Variants in RGS8 observed in about 807,000 individuals in gnomAD.
The protein encoded by RGS8 is regulator of G protein signaling 8.
RGS8 carries 8 observed loss-of-function variants against 21.7 expected under a neutral mutation model. That is an observed-to-expected ratio of 0.37 (90% CI 0.22 to 0.66). The LOEUF is 0.66. Ranked by LOEUF, RGS8 falls within the 30% of genes least tolerant of loss-of-function variation. RGS8 has a pLI of 0.59. For missense variants in RGS8, 157 were observed against 217.9 expected, an observed-to-expected ratio of 0.72 and a Z score of 1.76; for synonymous variants, 80 against 83.6, an observed-to-expected ratio of 0.96 and a Z score of 0.24.
the RGS8 span, among the ~76,000 whole-genome samples, chr1:182,708,736 G>A: frequency 2.3e-4 from 35 of 152,324 alleles, no homozygotes; most frequent in African/African-American, 6.0e-4. Context: ...AGTTTGGGCC[G>A]CATGGGGGAA....
the RGS8 span, chr1:182,734,295 G>T: frequency 6.6e-6 from 1 of 152,122 alleles, no homozygotes; most frequent in African/African-American, 2.4e-5. Context: ...GATTCTCTAT[G>T]GCCATGCGGG....
At chr1:182,704,241 A>C in the RGS8 span, among the ~76,000 whole-genome samples, 2 of 152,176 alleles carry the variant, frequency 1.3e-5, no homozygotes, top group African/African-American at 2.4e-5. Flanking sequence ...CCACAGAATC[A>C]CTTCCCTGGG....
intron 5 of RGS8, among the ~76,000 whole-genome samples, chr1:182,650,157 G>A (rs1053929218): frequency 4.0e-5 from 6 of 150,158 alleles, no homozygotes; most frequent in African/African-American, 1.3e-4. Flanking sequence ...TGATCCACCC[G>A]CCTCGGCCTC....
At chr1:182,669,896 G>C in intron 2 of RGS8, 144 bp from the exon 4 acceptor site, 5 of 915,730 alleles carry the variant, frequency 5.5e-6, no homozygotes, top group Non-Finnish European at 7.7e-6. Context: ...TCCTTAGCAG[G>C]GGCGACAAAC....
the RGS8 span, among the ~76,000 whole-genome samples, chr1:182,732,936 C>A: frequency 6.6e-6 from 1 of 152,124 alleles, no homozygotes. Context: ...CCAGAAATCA[C>A]AAAGCAAAGC....
the RGS8 span, among the ~76,000 whole-genome samples, chr1:182,733,054 T>C: frequency 6.6e-6 from 1 of 152,206 alleles, no homozygotes; most frequent in Non-Finnish European, 1.5e-5. Flanking sequence ...CAGAAGCAAG[T>C]GCATCTCATG....
At chr1:182,698,919 T>C in the RGS8 span, among the ~76,000 whole-genome samples, 3 of 152,230 alleles carry the variant, frequency 2.0e-5, no homozygotes, top group Non-Finnish European at 4.4e-5. Context: ...CATGTCTCCG[T>C]AATGAATGTG....
chr1:182,667,655 A>G (rs1191605611), intron 3 of RGS8, among the ~76,000 whole-genome samples: 1 of 152,186 alleles, frequency 6.6e-6, no homozygotes, highest in Non-Finnish European at 1.5e-5. Flanking sequence ...GGCTTATCTC[A>G]ATAAGCATAA....
intron 3 of RGS8, 143 bp downstream of exon 4, chr1:182,669,481 C>T: frequency 1.6e-6 from 2 of 1,229,774 alleles, no homozygotes; most frequent in Non-Finnish European, 2.4e-6. Flanking sequence ...GTGCAGTTCA[C>T]ACAGGAGGCC....
At chr1:182,751,458 G>A in the RGS8 span, among the ~76,000 whole-genome samples, 2 of 152,140 alleles carry the variant, frequency 1.3e-5, no homozygotes, top group South Asian at 2.1e-4. Context: ...GTCCCTGCAC[G>A]CGTGCCTACG....
intron 5 of RGS8, among the ~76,000 whole-genome samples, chr1:182,650,463 G>A (rs959007743): frequency 1.3e-5 from 2 of 152,140 alleles, no homozygotes; most frequent in Admixed American, 6.5e-5. Context: ...ATCTTTACTT[G>A]CAAGAGCCAG....
chr1:182,679,651 C>T (rs1664477459), intron 1 of RGS8, among the ~76,000 whole-genome samples: 1 of 152,164 alleles, frequency 6.6e-6, no homozygotes, highest in South Asian at 2.1e-4. Context: ...ATCATGTAGA[C>T]ACCAATAGCT....
At chr1:182,692,080 A>C in the RGS8 span, among the ~76,000 whole-genome samples, 2 of 149,602 alleles carry the variant, frequency 1.3e-5, no homozygotes, top group African/African-American at 5.0e-5. Context: ...ATCTCAACTC[A>C]CTGCAAACTC....
At chr1:182,726,136 G>A in the RGS8 span, among the ~76,000 whole-genome samples, 1 of 148,572 alleles carries the variant, frequency 6.7e-6, no homozygotes, top group Non-Finnish European at 1.5e-5. Context: ...AACTGGCACT[G>A]ATTGCTTTTG....
chr1:182,704,615 C>T, the RGS8 span, among the ~76,000 whole-genome samples: 1 of 152,192 alleles, frequency 6.6e-6, no homozygotes, highest in Non-Finnish European at 1.5e-5. Flanking sequence ...TAAAACTGGT[C>T]CCTTTCCACT....
At chr1:182,743,748 G>A in the RGS8 span, among the ~76,000 whole-genome samples, 38 of 152,242 alleles carry the variant, frequency 2.5e-4, no homozygotes, top group African/African-American at 9.1e-4. Flanking sequence ...CCCATGGAGG[G>A]CCTCTCTGTT....
chr1:182,743,229 C>A, the RGS8 span, among the ~76,000 whole-genome samples: 2 of 152,124 alleles, frequency 1.3e-5, no homozygotes, highest in South Asian at 4.1e-4. Context: ...TTTGTGACCT[C>A]AAAGAAGTTG....
the RGS8 span, among the ~76,000 whole-genome samples, chr1:182,690,639 T>A: frequency 6.6e-6 from 1 of 152,356 alleles, no homozygotes. Flanking sequence ...TCATTTATAC[T>A]TCTGGTCTCA....
chr1:182,707,129 G>T, the RGS8 span, among the ~76,000 whole-genome samples: 3 of 152,120 alleles, frequency 2.0e-5, no homozygotes, highest in Admixed American at 6.5e-5. Context: ...CTGCACTCCA[G>T]ACTGGGCAAC....
Sources: allele counts gnomAD v4.1 joint callset (sites outside exome capture counted in the v4.1 genomes callset), GRCh38; gene constraint gnomAD v4.1.1; transcripts MANE v1.5; gene names NCBI Gene and HGNC (gene_info 2026-07-23, HGNC 2026-07-21).